Variants in STAG1 observed in about 807,000 individuals in gnomAD.
STAG1 encodes the protein cohesin subunit SA-1.
In STAG1, 26 loss-of-function variants were observed where a neutral mutation model predicts 170.9. The observed-to-expected ratio is 0.15, with a 90% CI of 0.11 to 0.21. STAG1 has a LOEUF of 0.21. Among genes scored for constraint, STAG1 ranks in the 10% least tolerant of loss-of-function variants. The probability of loss-of-function intolerance (pLI) is 1.00; values close to 1 mark genes in which losing one functional copy is unlikely to be tolerated. For missense variants in STAG1, 964 were observed against 1,509.5 expected (o/e 0.64, Z 5.99); for synonymous variants, 514 against 497.7 (o/e 1.03, Z -0.44).
At chr3:136,381,202 C>T (rs761625646) in intron 22 of STAG1, among the ~76,000 whole-genome samples, 2 of 152,054 alleles carry the variant, frequency 1.3e-5, no homozygotes, top group African/African-American at 2.4e-5. Context: ...ATTTGGGAGT[C>T]TTCAGCATTT....
At chr3:136,586,059 T>G (rs1051620808) in intron 4 of STAG1, among the ~76,000 whole-genome samples, 2 of 152,200 alleles carry the variant, frequency 1.3e-5, no homozygotes, top group Admixed American at 6.5e-5. Context: ...GCAGGATAAT[T>G]TGGCTAGAAG....
intron 16 of STAG1, among the ~76,000 whole-genome samples, chr3:136,423,652 T>C (rs902392586): frequency 1.3e-5 from 2 of 152,170 alleles, no homozygotes; most frequent in Non-Finnish European, 2.9e-5. Flanking sequence ...AAATAAAATA[T>C]TAAAATGTAA....
At chr3:136,530,151 A>G (rs1051454394) in intron 6 of STAG1, among the ~76,000 whole-genome samples, 1 of 152,220 alleles carries the variant, frequency 6.6e-6, no homozygotes, top group Non-Finnish European at 1.5e-5. Context: ...GTCATTATAT[A>G]ATGATAAAGA....
At chr3:136,478,416 T>C (rs1339857937) in intron 9 of STAG1, among the ~76,000 whole-genome samples, 1 of 152,202 alleles carries the variant, frequency 6.6e-6, no homozygotes, top group Non-Finnish European at 1.5e-5. Flanking sequence ...ACTTTTATAA[T>C]CTTTCATCAC....
intron 4 of STAG1, among the ~76,000 whole-genome samples, chr3:136,599,964 A>G (rs1025222620): frequency 6.6e-6 from 1 of 152,172 alleles, no homozygotes; most frequent in African/African-American, 2.4e-5. Flanking sequence ...GATCATATAA[A>G]AGACAAGAGT....
chr3:136,454,570 G>A (rs534208366), intron 13 of STAG1, among the ~76,000 whole-genome samples: 3 of 150,974 alleles, frequency 2.0e-5, no homozygotes, highest in Admixed American at 6.6e-5. Context: ...AGTAGAGATG[G>A]GGTTTCACCA....
chr3:136,637,921 A>G (rs1311396918), intron 1 of STAG1, among the ~76,000 whole-genome samples: 1 of 151,734 alleles, frequency 6.6e-6, no homozygotes, highest in Non-Finnish European at 1.5e-5. Flanking sequence ...AGCCCAGGTT[A>G]CAGTGCAGTG....
chr3:136,591,557 A>G (rs945772781), intron 4 of STAG1: 7 of 181,780 alleles, frequency 3.9e-5, no homozygotes, highest in East Asian at 1.7e-4. Context: ...TCTCTATTTG[A>G]AAAAAAAAAA....
intron 8 of STAG1, among the ~76,000 whole-genome samples, chr3:136,501,478 A>G (rs945206670): frequency 1.4e-4 from 21 of 152,162 alleles, no homozygotes; most frequent in African/African-American, 4.6e-4. Flanking sequence ...GGACAAACAT[A>G]CACACAGGAA....
chr3:136,338,465 C>T lies in STAG1; in HGVS notation c.3673-15G>A, dbSNP rs200626609. ...CTTGATGGAGGCTGGAAAGAGAAATCGGTTTCTTAATTTTTTTCTGAGATC... is the reference window on the plus strand; with the variant it reads ...CTTGATGGAGGCTGGAAAGAGAAATTGGTTTCTTAATTTTTTTCTGAGATC... On this transcript the variant is annotated splice_polypyrimidine_tract_variant and intron_variant, in intron 32 of 33. Transcript: ENST00000383202. 17 of 1,606,618 alleles carry T rather than the reference C, an allele frequency of 1.1e-5. No homozygotes were observed. The highest frequency in any genetic ancestry group is 1.7e-5 in the Admixed American group (1 of 59,774).
chr3:136,717,974 C>A (rs1477929124), intron 1 of STAG1, among the ~76,000 whole-genome samples: 1 of 152,050 alleles, frequency 6.6e-6, no homozygotes, highest in African/African-American at 2.4e-5. Flanking sequence ...TTGTTATAAT[C>A]TTTTTCTGAT....
At chr3:136,603,464 A>C (rs570253955) in intron 4 of STAG1, among the ~76,000 whole-genome samples, 2 of 152,376 alleles carry the variant, frequency 1.3e-5, no homozygotes, top group South Asian at 4.1e-4. Context: ...AACACATTTA[A>C]TGATAGTGAT....
intron 25 of STAG1, among the ~76,000 whole-genome samples, chr3:136,363,705 A>AG (rs1936966978): frequency 6.6e-6 from 1 of 152,242 alleles, no homozygotes; most frequent in African/African-American, 2.4e-5. Flanking sequence ...AACTAATACT[A>AG]GTAAAACCAA....
chr3:136,709,776 T>C (rs1187940780), intron 1 of STAG1, among the ~76,000 whole-genome samples: 1 of 151,378 alleles, frequency 6.6e-6, no homozygotes, highest in Non-Finnish European at 1.5e-5. Flanking sequence ...AGCTCATGCC[T>C]GTAATCCCAG....
intron 1 of STAG1, among the ~76,000 whole-genome samples, chr3:136,750,492 G>A (rs1199802497): frequency 6.6e-6 from 1 of 152,204 alleles, no homozygotes; most frequent in Non-Finnish European, 1.5e-5. Context: ...TCTCTTCAAA[G>A]GAGGCAATCC....
intron 1 of STAG1, among the ~76,000 whole-genome samples, chr3:136,729,604 G>A (rs1461986033): frequency 8.3e-6 from 1 of 120,482 alleles, no homozygotes; most frequent in African/African-American, 3.2e-5. Context: ...AGACAGAGCT[G>A]TGCTGTCACC....
intron 1 of STAG1, among the ~76,000 whole-genome samples, chr3:136,657,120 T>A (rs913041211): frequency 1.3e-5 from 2 of 150,968 alleles, no homozygotes; most frequent in Non-Finnish European, 2.9e-5. Flanking sequence ...AATACTTATA[T>A]GGAAAAAAAA....
At chr3:136,719,103 T>C (rs761545818) in intron 1 of STAG1, among the ~76,000 whole-genome samples, 6 of 152,092 alleles carry the variant, frequency 3.9e-5, no homozygotes, top group Non-Finnish European at 8.8e-5. Context: ...TAAATGAATG[T>C]TCACAGCATT....
intron 9 of STAG1, among the ~76,000 whole-genome samples, chr3:136,488,903 T>C (rs1200355636): frequency 2.0e-5 from 3 of 152,224 alleles, no homozygotes; most frequent in Non-Finnish European, 4.4e-5. Context: ...CTAATCTCTA[T>C]TTCCAATAGC....
Sources: gnomAD v4.1 joint callset for allele counts (sites outside exome capture counted in the v4.1 genomes callset) on GRCh38, gnomAD v4.1.1 for gene constraint, MANE v1.5 for transcripts, NCBI Gene and HGNC (gene_info 2026-07-23, HGNC 2026-07-21) for gene names.